LYL1: variants seen among roughly 807,000 people sequenced by gnomAD.
LYL1 encodes protein lyl-1.
A neutral mutation model predicts 11.1 loss-of-function variants in LYL1; 4 were observed. That is an observed-to-expected ratio of 0.36 (90% CI 0.18 to 0.82). The LOEUF is 0.82. Ranked by LOEUF, LYL1 falls within the 40% of genes least tolerant of loss-of-function variation. The probability of loss-of-function intolerance (pLI) is 0.49; values close to 1 mark genes in which losing one functional copy is unlikely to be tolerated. For missense variants in LYL1, 356 were observed against 397.6 expected (o/e 0.90, Z 0.89); for synonymous variants, 179 against 174.8 (o/e 1.02, Z -0.19).
Position 13,101,279 on chromosome 19 carries a change from A to T in LYL1, c.-24-84T>A. On this transcript the variant is annotated intron_variant, in intron 1 of 3. Transcript: ENST00000264824. The surrounding 1 kb of genome is among the most constrained non-coding windows in gnomAD (Gnocchi z 5.1). ...TAGCTCAAGAAACCCCTCAAATGGG[A>T]AGGAGGGAGGGGGAGGGGGAAAGGA... 1 of 462,592 alleles carries T rather than the reference A, an allele frequency of 2.2e-6. No homozygotes were observed. Among genetic ancestry groups the T allele is most frequent in the Non-Finnish European group, 3.6e-6 (1 of 276,462 alleles). The allele number at this position is 462,592 out of a possible 1,614,324, so 28.7% of individuals were successfully genotyped here.
In LYL1 at chr19:13,101,139, G is replaced by A. The variant is rs756655151; in HGVS notation, c.33C>T (p.Gly11=). The A allele has an allele frequency of 3.5e-5, 52 of 1,467,860 alleles. No individual in the cohort carries two copies. The highest frequency in any genetic ancestry group is 7.2e-6 in the Non-Finnish European group (8 of 1,113,580). The allele number at this position is 1,467,860 out of a possible 1,614,324, so 90.9% of individuals were successfully genotyped here. Residue 11 remains glycine, a synonymous_variant, in exon 2 of 4, where the codon GGC becomes GGT. Transcript: ENST00000264824. The surrounding 1 kb of genome is among the most constrained non-coding windows in gnomAD (Gnocchi z 5.1). MCPPQAQAEV[G]PTMTEKAEMV... is the part of the protein sequence containing the mutation. ...TCTCTGCCTTCTCAGTCATGGTGGG[G>A]CCCACCTCTGCCTGTGCCTGAGGCG... is the stretch of plus-strand genomic sequence containing the variant.
intron 3 of LYL1, among the ~76,000 whole-genome samples, chr19:13,100,362 G>A (rs1470859343): frequency 6.6e-6 from 1 of 152,222 alleles, no homozygotes; most frequent in Admixed American, 6.5e-5. Context: ...TTCCAGTGGA[G>A]CTGTCATTTT....
rs1373313045 is a variant in LYL1, at chr19:13,099,706, G to A, written c.456C>T (p.Arg152=). The A allele has an allele frequency of 1.3e-6, 2 of 1,544,850 alleles. No homozygotes were observed. The highest frequency in any genetic ancestry group is 1.7e-6 in the Non-Finnish European group (2 of 1,144,614). ...AGCGCTCCCGGCTGTTGGTGAACAC[G>A]CGCCGGGCCACCTTCTGGGGCTGGT... ...EGHQPQKVAR[R]VFTNSRERWR... The change falls in exon 4 of 4, where the codon CGC becomes CGT. Residue 152 remains arginine, a synonymous_variant. Transcript: ENST00000264824. This position sits in a 1 kb window ranked among gnomAD's most constrained non-coding sequence, Gnocchi z 5.3.
In LYL1 at chr19:13,101,034, G is replaced by A; in HGVS notation, c.138C>T (p.Gly46=). ...SPGPPQVEEV[G]HRGGSSPPRL... Reference sequence around the variant, plus strand: ...TGGGGGGCGAGGAGCCTCCTCGGTGGCCCACCTCCTCCACCTGCGGGGGCC... The same window carrying A: ...TGGGGGGCGAGGAGCCTCCTCGGTGACCCACCTCCTCCACCTGCGGGGGCC... Residue 46 remains glycine (G), a synonymous_variant, in exon 2 of 4, where the codon GGC becomes GGT. Transcript: ENST00000264824. The surrounding 1 kb of genome is among the most constrained non-coding windows in gnomAD (Gnocchi z 5.1). 6.8e-7 allele frequency: 1 copy of A among 1,480,120 alleles called. No homozygotes were observed. Among genetic ancestry groups the A allele is most frequent in the Non-Finnish European group, 9.0e-7 (1 of 1,116,832 alleles). 91.7% of individuals were successfully genotyped at this position (1,480,120 alleles called of 1,614,324 possible).
chr19:13,099,764 A>T lies in LYL1; in HGVS notation c.428-30T>A. 1 of 1,410,126 alleles carries T rather than the reference A, an allele frequency of 7.1e-7. No individual in the cohort carries two copies. The highest frequency in any genetic ancestry group is 9.3e-7 in the Non-Finnish European group (1 of 1,074,036). 87.4% of individuals were successfully genotyped at this position (1,410,126 alleles called of 1,614,324 possible). A position where few individuals can be genotyped will look rare whatever the true frequency, so the allele number is the denominator to read the frequency against. ...GGACAAGGAGGGCCGGGTTGGTGCC[A>T]TGGCCCAAAGGGCGGCCCCTCCTGC... On this transcript the variant is annotated intron_variant, in intron 3 of 3. Coordinates refer to ENST00000264824, the MANE Select transcript of LYL1 (RefSeq NM_005583.5). This position sits in a 1 kb window ranked among gnomAD's most constrained non-coding sequence, Gnocchi z 5.3.
In LYL1 at chr19:13,101,794, C is replaced by T; in HGVS notation, c.-24-599G>A. The T allele has an allele frequency of 4.3e-6, 1 of 230,632 alleles. No homozygotes were observed. Among genetic ancestry groups the T allele is most frequent in the Non-Finnish European group, 8.6e-6 (1 of 116,528 alleles). The allele number at this position is 230,632 out of a possible 1,614,324, so 14.3% of individuals were successfully genotyped here. On this transcript the variant is annotated intron_variant, in intron 1 of 3. Transcript: ENST00000264824. This position sits in a 1 kb window ranked among gnomAD's most constrained non-coding sequence, Gnocchi z 5.1. ...GCTCCATAATTGCTTGAGTGACCCC[C>T]ACTCCCACTGCAAACATCCCCCATA...
Position 13,101,308 on chromosome 19 carries a change from G to C in LYL1, c.-24-113C>G. ...AGGGAGGGGGAGGGGGAAAGGAGGA[G>C]GAGAGAAGTTTCAGTAGGCAAAGGC... On this transcript the variant is annotated intron_variant, in intron 1 of 3. Transcript: ENST00000264824. The surrounding 1 kb of genome is among the most constrained non-coding windows in gnomAD (Gnocchi z 5.1). The C allele has an allele frequency of 2.3e-6, 1 of 438,476 alleles. No individual in the cohort carries two copies. Among genetic ancestry groups the C allele is most frequent in the Non-Finnish European group, 3.9e-6 (1 of 253,432 alleles). The allele number at this position is 438,476 out of a possible 1,614,324, so 27.2% of individuals were successfully genotyped here. A position where few individuals can be genotyped will look rare whatever the true frequency, so the allele number is the denominator to read the frequency against.
In LYL1 at chr19:13,101,011, G is replaced by A; in HGVS notation, c.161C>T (p.Pro54Leu). Residue 54 changes from proline to leucine, a missense_variant, in exon 2 of 4, where the codon CCC becomes CTC. Transcript: ENST00000264824. This position sits in a 1 kb window ranked among gnomAD's most constrained non-coding sequence, Gnocchi z 5.1. ...EVGHRGGSSP[P>L]RLPPGVPVIS... ...CACTGGTACACCAGGTGGCAGCCTG[G>A]GGGGCGAGGAGCCTCCTCGGTGGCC... 6.8e-7 allele frequency: 1 copy of A among 1,476,706 alleles called. No homozygotes were observed. 91.5% of individuals were successfully genotyped at this position (1,476,706 alleles called of 1,614,324 possible).
rs1230829486 is a variant in LYL1, at chr19:13,099,368, G to T, written c.794C>A (p.Ala265Asp). ...ADPDGSPGGAARPIKMEQTAL... is the reference protein window; with the variant it reads ...ADPDGSPGGADRPIKMEQTAL... ...GGTTTGCTCCATCTTGATGGGCCGGGCCGCTCCACCGGGGCTGCCGTCGGG... is the reference window on the plus strand; with the variant it reads ...GGTTTGCTCCATCTTGATGGGCCGGTCCGCTCCACCGGGGCTGCCGTCGGG... The change falls in exon 4 of 4, where the codon GCC becomes GAC. Residue 265 changes from alanine (A) to aspartate (D), a missense_variant. Ala to Asp is a moderately radical substitution (Grantham distance 126). Coordinates refer to ENST00000264824, the MANE Select transcript of LYL1 (RefSeq NM_005583.5). This position sits in a 1 kb window ranked among gnomAD's most constrained non-coding sequence, Gnocchi z 5.3. The T allele has an allele frequency of 7.8e-7, 1 of 1,277,206 alleles. No homozygotes were observed. Among genetic ancestry groups the T allele is most frequent in the Non-Finnish European group, 9.9e-7 (1 of 1,009,968 alleles). The allele number at this position is 1,277,206 out of a possible 1,614,324, so 79.1% of individuals were successfully genotyped here. A position where few individuals can be genotyped will look rare whatever the true frequency, so the allele number is the denominator to read the frequency against.
At chr19:13,100,069 C>T (rs1014441354) in intron 3 of LYL1, among the ~76,000 whole-genome samples, 1 of 152,216 alleles carries the variant, frequency 6.6e-6, no homozygotes, top group Admixed American at 6.5e-5. Context: ...TGCCCAAGTA[C>T]GGCTGGCTGG....
In LYL1 at chr19:13,099,816, G is replaced by T. The variant is rs1361294866; in HGVS notation, c.428-82C>A. On this transcript the variant is annotated intron_variant, in intron 3 of 3. Transcript: ENST00000264824. The surrounding 1 kb of genome is among the most constrained non-coding windows in gnomAD (Gnocchi z 5.3). Reference sequence around the variant, plus strand: ...CTCCCGCTAGACACGCAGCACCCTCGTGGGAACTTAAACCCAGGCCATGGG... The same window carrying T: ...CTCCCGCTAGACACGCAGCACCCTCTTGGGAACTTAAACCCAGGCCATGGG... 2.4e-6 allele frequency: 3 copies of T among 1,268,942 alleles called. No individual in the cohort carries two copies. The highest frequency in any genetic ancestry group is 3.1e-6 in the Non-Finnish European group (3 of 970,090). 78.6% of individuals were successfully genotyped at this position (1,268,942 alleles called of 1,614,324 possible).
At chr19:13,100,469 A>T (rs895294469) in intron 3 of LYL1, among the ~76,000 whole-genome samples, 188 bp downstream of exon 3, 3 of 152,036 alleles carry the variant, frequency 2.0e-5, no homozygotes, top group Non-Finnish European at 4.4e-5. Flanking sequence ...GGGGCTGGCT[A>T]TGGGACTGCG....
chr19:13,099,827 A>C lies in LYL1; in HGVS notation c.428-93T>G. 1 of 1,188,386 alleles carries C rather than the reference A, an allele frequency of 8.4e-7. No homozygotes were observed. The allele number at this position is 1,188,386 out of a possible 1,614,324, so 73.6% of individuals were successfully genotyped here. A position where few individuals can be genotyped will look rare whatever the true frequency, so the allele number is the denominator to read the frequency against. ...CACGCAGCACCCTCGTGGGAACTTA[A>C]ACCCAGGCCATGGGCTGGGGCTTTC... On this transcript the variant is annotated intron_variant, in intron 3 of 3. Transcript: ENST00000264824. The surrounding 1 kb of genome is among the most constrained non-coding windows in gnomAD (Gnocchi z 5.3).
Position 13,101,330 on chromosome 19 carries a change from A to C in LYL1, c.-24-135T>G, listed in dbSNP as rs1175973354. On this transcript the variant is annotated intron_variant, in intron 1 of 3. Transcript: ENST00000264824. The surrounding 1 kb of genome is among the most constrained non-coding windows in gnomAD (Gnocchi z 5.1). ...GGAGGAGAGAAGTTTCAGTAGGCAA[A>C]GGCAGATGGCGGGGGCAGGCCCAGA... 3.0e-5 allele frequency: 12 copies of C among 404,242 alleles called. No homozygotes were observed. Among genetic ancestry groups the C allele is most frequent in the East Asian group, 7.6e-5 (2 of 26,388 alleles). The allele number at this position is 404,242 out of a possible 1,614,324, so 25.0% of individuals were successfully genotyped here.
At chr19:13,100,772 A>C (rs1271837384) in intron 2 of LYL1, 24 bp from the exon 3 acceptor site, 6 of 1,613,248 alleles carry the variant, frequency 3.7e-6, no homozygotes, top group Non-Finnish European at 5.1e-6. Flanking sequence ...TGGGTCACTA[A>C]TGCCTTGTGG....
chr19:13,100,553 A>G (rs1379306532), intron 3 of LYL1, 104 bp downstream of exon 3: 7 of 1,041,500 alleles, frequency 6.7e-6, no homozygotes, highest in Non-Finnish European at 7.6e-6. Flanking sequence ...GAGGTGGAGT[A>G]GAGGACAGAC....
In LYL1 at chr19:13,101,210, G is replaced by T; in HGVS notation, c.-24-15C>A. 8.1e-7 allele frequency: 1 copy of T among 1,231,500 alleles called. No homozygotes were observed. Among genetic ancestry groups the T allele is most frequent in the South Asian group, 1.9e-5 (1 of 53,030 alleles). The allele number at this position is 1,231,500 out of a possible 1,614,324, so 76.3% of individuals were successfully genotyped here. On this transcript the variant is annotated splice_polypyrimidine_tract_variant and intron_variant, in intron 1 of 3. Coordinates refer to ENST00000264824, the MANE Select transcript of LYL1 (RefSeq NM_005583.5). The surrounding 1 kb of genome is among the most constrained non-coding windows in gnomAD (Gnocchi z 5.1). ...GGGGTACTCACCTGTGGGAAAGAAGGCAGCCAGTGGGGAGGAGGACTAGGT... is the reference window on the plus strand; with the variant it reads ...GGGGTACTCACCTGTGGGAAAGAAGTCAGCCAGTGGGGAGGAGGACTAGGT...
chr19:13,099,282 C>T lies in LYL1; in HGVS notation c.*37G>A, dbSNP rs576322701. 8.3e-5 allele frequency: 103 copies of T among 1,247,962 alleles called. No individual in the cohort carries two copies. The African/African-American group carries it at 1.4e-3, about 17-fold the overall frequency. 77.3% of individuals were successfully genotyped at this position (1,247,962 alleles called of 1,614,324 possible). Reference sequence around the variant, plus strand: ...TCCTTGACGGCCCTGGGCCGAGTCCCTGGTGCCCTCCGGCTCAGAGGTGCT... The same window carrying T: ...TCCTTGACGGCCCTGGGCCGAGTCCTTGGTGCCCTCCGGCTCAGAGGTGCT... On this transcript the variant is annotated 3_prime_UTR_variant, in exon 4 of 4. Transcript: ENST00000264824. The surrounding 1 kb of genome is among the most constrained non-coding windows in gnomAD (Gnocchi z 5.3).
rs897103475 is a variant in LYL1 at position 13,099,428 on chromosome 19, G to A, written c.734C>T (p.Ala245Val). 2 of 1,245,566 alleles carry A rather than the reference G, an allele frequency of 1.6e-6. No individual in the cohort carries two copies. The highest frequency in any genetic ancestry group is 8.5e-5 in the Admixed American group (2 of 23,614). 77.2% of individuals were successfully genotyped at this position (1,245,566 alleles called of 1,614,324 possible). A position where few individuals can be genotyped will look rare whatever the true frequency, so the allele number is the denominator to read the frequency against. ...GGGCGCGGGCTGCGAGCGCGCTGCC[G>A]CCTCGGCCCTGCGTCCGGATCCCCG... ...ARRGSGRRAE[A>V]AARSQPAPPA... The change falls in exon 4 of 4, where the codon GCG becomes GTG. Residue 245 changes from alanine (A) to valine (V), a missense_variant. Physicochemically the swap from Ala to Val is moderately conservative, Grantham distance 64. Transcript: ENST00000264824. The surrounding 1 kb of genome is among the most constrained non-coding windows in gnomAD (Gnocchi z 5.3).
Sources: allele counts gnomAD v4.1 joint callset (sites outside exome capture counted in the v4.1 genomes callset), GRCh38; gene constraint gnomAD v4.1.1; non-coding constraint Gnocchi (gnomAD v3.1); transcripts MANE v1.5; gene names NCBI Gene and HGNC (gene_info 2026-07-23, HGNC 2026-07-21).